Variants in ERCC8 observed in about 807,000 individuals in gnomAD.
ERCC8 encodes the protein DNA excision repair protein ERCC-8.
In ERCC8, 52 loss-of-function variants were observed where a neutral mutation model predicts 54.9. The ratio of observed to expected loss-of-function variants is 0.95; its 90% CI spans 0.76 to 1.19. The LOEUF (loss-of-function observed/expected upper bound fraction) is 1.19, where lower values mean the gene tolerates loss of function less well. ERCC8 is among the 50% of genes most tolerant of loss of function. ERCC8 has a pLI of 0.00. For synonymous variants in ERCC8, 146 were observed against 157.2 expected, an observed-to-expected ratio of 0.93 and a Z score of 0.53; for missense variants, 514 against 466.1, an observed-to-expected ratio of 1.10 and a Z score of -0.95.
chr5:60,892,409 T>G (rs1177878612), intron 9 of ERCC8: 5 of 546,970 alleles, frequency 9.1e-6, no homozygotes, highest in African/African-American at 5.7e-5. Context: ...GTCAAAGAAC[T>G]TGGTCATTTC....
In ERCC8 at chr5:60,893,612, G is replaced by A. The variant is rs145850283; in HGVS notation, c.844-2526C>T. ...CTTGAAAGCAGATAGGTTCGAATCC[G>A]CTTGCTCTCTTCCTATACTTCCGGC... On this transcript the variant is annotated intron_variant, in intron 9 of 11. Coordinates refer to ENST00000676185, the MANE Select transcript of ERCC8 (RefSeq NM_000082.4). 4.7e-4 allele frequency: 288 copies of A among 610,130 alleles called. 1 individual carries two copies. The highest frequency in any genetic ancestry group is 3.4e-3 in the African/African-American group (183 of 53,698). The allele number at this position is 610,130 out of a possible 1,614,324, so 37.8% of individuals were successfully genotyped here.
chr5:60,927,339 T>C (rs1749777989), intron 2 of ERCC8, among the ~76,000 whole-genome samples: 1 of 152,204 alleles, frequency 6.6e-6, no homozygotes, highest in South Asian at 2.1e-4. Context: ...CCACAGAATG[T>C]ACGCTTTCCT....
At chr5:60,883,726 G>A (rs1461221658) in intron 11 of ERCC8, among the ~76,000 whole-genome samples, 2 of 152,148 alleles carry the variant, frequency 1.3e-5, no homozygotes, top group Admixed American at 6.6e-5. Context: ...GATTCTTAGT[G>A]AGAGGTCAGG....
chr5:60,889,538 T>TCC lies in ERCC8; in HGVS notation c.1041+1350_1041+1351insGG, dbSNP rs542161386. Among the ~76,000 whole-genome samples the TCC allele has an allele frequency of 8.5e-5, 13 of 152,296 alleles. 2 individuals are homozygous for TCC. The South Asian group carries it at 2.7e-3, about 32-fold the overall frequency. Reference sequence around the variant, plus strand: ...CTAGGCTGGCCTGGAACTCCTGGGCTCAAGTGATGCTTTCGGCCTCCTAAA... The same window carrying TCC: ...CTAGGCTGGCCTGGAACTCCTGGGCTCCCAAGTGATGCTTTCGGCCTCCTAAA... On this transcript the variant is annotated intron_variant, in intron 10 of 11. Transcript: ENST00000676185.
At chr5:60,881,411 G>C (rs997275545) in intron 11 of ERCC8, among the ~76,000 whole-genome samples, 21 of 152,210 alleles carry the variant, frequency 1.4e-4, no homozygotes, top group African/African-American at 4.8e-4. Context: ...ATTTAAGTCT[G>C]CAGAGGTTTC....
intron 11 of ERCC8, among the ~76,000 whole-genome samples, chr5:60,884,769 C>T (rs1443139116): frequency 6.6e-6 from 1 of 151,962 alleles, no homozygotes; most frequent in African/African-American, 2.4e-5. Flanking sequence ...ATTACTTTAG[C>T]ACATACCATT....
At chr5:60,889,227 G>A (rs1748478919) in intron 10 of ERCC8, among the ~76,000 whole-genome samples, 3 of 152,150 alleles carry the variant, frequency 2.0e-5, no homozygotes, top group African/African-American at 7.2e-5. Context: ...AATCTTTTTA[G>A]TTTGTACTTC....
rs555027647 is a variant in ERCC8, at chr5:60,870,381, C to T, written c.*4234G>A. Among the ~76,000 whole-genome samples the T allele has an allele frequency of 1.7e-4, 25 of 150,350 alleles. No individual in the cohort carries two copies. Among genetic ancestry groups the T allele is most frequent in the African/African-American group, 2.7e-4 (11 of 40,916 alleles). On this transcript the variant is annotated 3_prime_UTR_variant, in exon 12 of 12. Transcript: ENST00000676185. The stretch of plus-strand genomic sequence containing the variant: ...AAGTCAGGCCCGGCACGGTGGCTCA[C>T]GCCTGTAAATCCCAGCACTTTGGGA...
intron 11 of ERCC8, among the ~76,000 whole-genome samples, chr5:60,883,018 G>A (rs922273103): frequency 2.0e-5 from 3 of 148,862 alleles, no homozygotes; most frequent in Admixed American, 6.6e-5. Flanking sequence ...TCTGTAGGTG[G>A]ATAAGCCACA....
chr5:60,900,213 A>G (rs2112488707), intron 7 of ERCC8, among the ~76,000 whole-genome samples: 1 of 152,148 alleles, frequency 6.6e-6, no homozygotes, highest in South Asian at 2.1e-4. Flanking sequence ...AGGACAATGC[A>G]TTTCCATTTG....
Position 60,928,924 on chromosome 5 carries a change from A to G in ERCC8, c.113T>C (p.Val38Ala), listed in dbSNP as rs1561514955. 2 of 1,608,734 alleles carry G rather than the reference A, an allele frequency of 1.2e-6. No homozygotes were observed. Among genetic ancestry groups the G allele is most frequent in the Non-Finnish European group, 1.7e-6 (2 of 1,176,116 alleles). Reference sequence around the variant, plus strand: ...AATTCCACCGCCGTGGATTCTTTCAACATCTCTGTCTTTATTTAATTCCAG... The same window carrying G: ...AATTCCACCGCCGTGGATTCTTTCAGCATCTCTGTCTTTATTTAATTCCAG... ...LGLELNKDRD[V>A]ERIHGGGINT... Residue 38 changes from valine to alanine, a missense_variant, in exon 2 of 12, where the codon GTT becomes GCT. By Grantham distance (64) the Val-to-Ala change is moderately conservative (BLOSUM62 0). Coordinates refer to ENST00000676185, the MANE Select transcript of ERCC8 (RefSeq NM_000082.4).
At chr5:60,926,341 A>G (rs1749750201) in intron 2 of ERCC8, among the ~76,000 whole-genome samples, 1 of 152,178 alleles carries the variant, frequency 6.6e-6, no homozygotes, top group African/African-American at 2.4e-5. Context: ...GCTCCTTTAA[A>G]TGGTGTGTGT....
At chr5:60,940,718 A>G (rs1026945748) in intron 1 of ERCC8, among the ~76,000 whole-genome samples, 1 of 152,240 alleles carries the variant, frequency 6.6e-6, no homozygotes, top group Non-Finnish European at 1.5e-5. Context: ...GAAGATCTGA[A>G]GAGACTTTGA....
intron 2 of ERCC8, chr5:60,924,555 C>A (rs989013521): frequency 1.3e-5 from 2 of 154,382 alleles, no homozygotes; most frequent in Admixed American, 1.3e-4. Context: ...AATATAAATC[C>A]CCCCCTCTTA....
intron 2 of ERCC8, among the ~76,000 whole-genome samples, chr5:60,928,119 C>T (rs1431922107): frequency 6.6e-6 from 1 of 151,978 alleles, no homozygotes; most frequent in Non-Finnish European, 1.5e-5. Context: ...AATTGTAGGC[C>T]ACATGAAAGG....
chr5:60,911,940 C>G (rs1469311948), intron 4 of ERCC8, among the ~76,000 whole-genome samples: 1 of 152,072 alleles, frequency 6.6e-6, no homozygotes, highest in Non-Finnish European at 1.5e-5. Context: ...TGTTCTGTTC[C>G]ATAGGTCTAT....
intron 11 of ERCC8, among the ~76,000 whole-genome samples, chr5:60,883,245 A>C (rs561243640): frequency 6.6e-6 from 1 of 152,372 alleles, no homozygotes; most frequent in East Asian, 1.9e-4. Context: ...AATGCATTAC[A>C]GTATTTTAGA....
At chr5:60,898,204 T>TA (rs1580001474) in intron 9 of ERCC8, 72 bp downstream of exon 9, 28 of 1,484,222 alleles carry the variant, frequency 1.9e-5, no homozygotes, top group African/African-American at 7.0e-5. Flanking sequence ...GTTAAATATA[T>TA]AAAAAAATCA....
At chr5:60,874,756 G>A (rs186565039) in intron 11 of ERCC8, 73 bp from the exon 12 acceptor site, 1 of 1,250,352 alleles carries the variant, frequency 8.0e-7, no homozygotes, top group East Asian at 2.4e-5. Context: ...TCACAATAAA[G>A]TTATGAAATA....
Sources: allele counts gnomAD v4.1 joint callset (sites outside exome capture counted in the v4.1 genomes callset), GRCh38; gene constraint gnomAD v4.1.1; transcripts MANE v1.5; gene names NCBI Gene and HGNC (gene_info 2026-07-23, HGNC 2026-07-21).